The following RALYL variants were observed in gnomAD, a reference collection of about 807,000 sequenced individuals.
RALYL encodes the protein RALY RNA binding protein like.
RALYL carries 29 observed loss-of-function variants against 35.1 expected under a neutral mutation model. The observed-to-expected ratio is 0.83, with a 90% CI of 0.61 to 1.13. The LOEUF is 1.13. Among genes scored for constraint, RALYL ranks in the 50% most tolerant of loss-of-function variants. RALYL has a pLI of 0.00. For synonymous variants in RALYL, 120 were observed against 127.6 expected (o/e 0.94, Z 0.40); for missense variants, 359 against 360.4 (o/e 1.00, Z 0.03).
chr8:84,649,128 A>G (rs1828134679), intron 2 of RALYL, among the ~76,000 whole-genome samples: 1 of 152,044 alleles, frequency 6.6e-6, no homozygotes, highest in East Asian at 1.9e-4. Flanking sequence ...TAAGGATTGC[A>G]TATGTTGTCA....
chr8:84,692,619 T>C (rs977473051), intron 2 of RALYL, among the ~76,000 whole-genome samples: 1 of 152,186 alleles, frequency 6.6e-6, no homozygotes, highest in Admixed American at 6.6e-5. Flanking sequence ...GAAATATCTA[T>C]TTCAACTATT....
chr8:84,722,018 A>G (rs1479953272), intron 2 of RALYL, among the ~76,000 whole-genome samples: 1 of 152,110 alleles, frequency 6.6e-6, no homozygotes, highest in Non-Finnish European at 1.5e-5. Context: ...CAGTGTTTCA[A>G]TACGTGGATG....
intron 1 of RALYL, among the ~76,000 whole-genome samples, chr8:84,521,514 C>CCCCT (rs1488097742): frequency 6.6e-6 from 1 of 152,162 alleles, no homozygotes; most frequent in Non-Finnish European, 1.5e-5. Flanking sequence ...TGTGTTTAAC[C>CCCCT]CCCTTATGAA....
At chr8:84,539,886 A>ATG (rs371636213) in intron 2 of RALYL, among the ~76,000 whole-genome samples, 2,902 of 86,768 alleles carry the variant, frequency 0.033, 59 homozygotes, top group Middle Eastern at 0.072. Flanking sequence ...ATGTATATAT[A>ATG]TGTGTGTGTG....
At chr8:84,329,512 T>G (rs1343714090) in intron 1 of RALYL, among the ~76,000 whole-genome samples, 1 of 152,044 alleles carries the variant, frequency 6.6e-6, no homozygotes, top group African/African-American at 2.4e-5. Flanking sequence ...AGACCTTTGT[T>G]AGATGCATAG....
chr8:84,332,936 C>G (rs1019220338), intron 1 of RALYL, among the ~76,000 whole-genome samples: 1 of 152,114 alleles, frequency 6.6e-6, no homozygotes, highest in African/African-American at 2.4e-5. Context: ...GTATCAGCAG[C>G]GCTGTTATTT....
At chr8:84,493,178 T>C (rs1363019075) in intron 1 of RALYL, among the ~76,000 whole-genome samples, 1 of 152,152 alleles carries the variant, frequency 6.6e-6, no homozygotes, top group African/African-American at 2.4e-5. Flanking sequence ...TTTGGTTTTC[T>C]GTACCCGTGT....
chr8:84,252,176 CA>C (rs1439517180), intron 1 of RALYL, among the ~76,000 whole-genome samples: 1 of 151,994 alleles, frequency 6.6e-6, no homozygotes, highest in Non-Finnish European at 1.5e-5. Flanking sequence ...CTATTTGTGA[CA>C]AACATTGAGA....
At chr8:84,422,969 G>C (rs1238435893) in intron 1 of RALYL, among the ~76,000 whole-genome samples, 4 of 147,512 alleles carry the variant, frequency 2.7e-5, no homozygotes, top group Non-Finnish European at 6.0e-5. Context: ...TTACTTCCAA[G>C]TATGTGGTCA....
At chr8:84,557,734 A>C (rs922448812) in intron 2 of RALYL, among the ~76,000 whole-genome samples, 1 of 152,170 alleles carries the variant, frequency 6.6e-6, no homozygotes, top group African/African-American at 2.4e-5. Flanking sequence ...TCTATTTACT[A>C]TAGAAAATTG....
At chr8:84,248,214 G>A (rs935789182) in intron 1 of RALYL, among the ~76,000 whole-genome samples, 6 of 152,076 alleles carry the variant, frequency 3.9e-5, no homozygotes, top group Admixed American at 3.9e-4. Context: ...GCCATCATGA[G>A]ATATCTCTTT....
Position 84,427,600 on chromosome 8 carries a change from G to A in RALYL, c.-23-101699G>A, listed in dbSNP as rs563660715. Among the ~76,000 whole-genome samples the A allele has an allele frequency of 8.6e-5, 13 of 151,930 alleles. No homozygotes were observed. The South Asian group carries it at 2.7e-3, about 32-fold the overall frequency. ...TATCATTTTTTACTACTGGCCCTTA[G>A]GCATCCTGTGCCTTAGCCATATGTA... is the stretch of plus-strand genomic sequence containing the variant. On this transcript the variant is annotated intron_variant, in intron 1 of 8. Transcript: ENST00000521268.
chr8:84,891,260 A>G (rs1843794354), intron 8 of RALYL, among the ~76,000 whole-genome samples: 1 of 152,180 alleles, frequency 6.6e-6, no homozygotes, highest in East Asian at 1.9e-4. Context: ...GCTGACAAGA[A>G]AGGGAGGGCA....
intron 1 of RALYL, among the ~76,000 whole-genome samples, chr8:84,364,052 G>GT (rs1853676697): frequency 6.6e-6 from 1 of 152,098 alleles, no homozygotes. Context: ...TTGTTATGCA[G>GT]TATCTCTCAG....
intron 1 of RALYL, among the ~76,000 whole-genome samples, chr8:84,354,035 C>A (rs1851395432): frequency 6.8e-6 from 1 of 147,918 alleles, no homozygotes; most frequent in Admixed American, 6.7e-5. Flanking sequence ...TATTTGCATG[C>A]CTGAGGGAAT....
chr8:84,847,978 A>T (rs1015233473), intron 4 of RALYL, among the ~76,000 whole-genome samples: 8 of 152,224 alleles, frequency 5.3e-5, no homozygotes, highest in Non-Finnish European at 1.2e-4. Flanking sequence ...CTATCCTTAA[A>T]GCCAAAATAA....
At chr8:84,551,818 GC>G (rs1404311731) in intron 2 of RALYL, among the ~76,000 whole-genome samples, 1 of 152,050 alleles carries the variant, frequency 6.6e-6, no homozygotes, top group Non-Finnish European at 1.5e-5. Flanking sequence ...ATAAAGCTAT[GC>G]CATTTTTACC....
At chr8:84,545,952 T>C (rs1033617743) in intron 2 of RALYL, among the ~76,000 whole-genome samples, 30 of 152,244 alleles carry the variant, frequency 2.0e-4, no homozygotes, top group African/African-American at 7.2e-4. Flanking sequence ...AGGACTTTGG[T>C]ATTAGTAACA....
intron 1 of RALYL, among the ~76,000 whole-genome samples, chr8:84,284,632 C>G (rs550206239): frequency 1.3e-5 from 2 of 152,232 alleles, no homozygotes; most frequent in Non-Finnish European, 2.9e-5. Flanking sequence ...GATTCATAGA[C>G]CATTGGCAGT....
Sources: allele counts gnomAD v4.1 joint callset (sites outside exome capture counted in the v4.1 genomes callset), GRCh38; gene constraint gnomAD v4.1.1; transcripts MANE v1.5; gene names NCBI Gene and HGNC (gene_info 2026-07-23, HGNC 2026-07-21).